PDE1C: variants seen among roughly 807,000 people sequenced by gnomAD.
PDE1C encodes the protein phosphodiesterase 1C.
In PDE1C, 62 loss-of-function variants were observed where a neutral mutation model predicts 93.1. The ratio of observed to expected loss-of-function variants is 0.67; its 90% CI spans 0.54 to 0.82. The LOEUF is 0.82. Ranked by LOEUF, PDE1C falls within the 40% of genes least tolerant of loss-of-function variation. The pLI, the probability that PDE1C is intolerant of heterozygous loss-of-function variation, is 0.00. For missense variants in PDE1C, 742 were observed against 884.6 expected, an observed-to-expected ratio of 0.84 and a Z score of 2.04; for synonymous variants, 325 against 310.1, an observed-to-expected ratio of 1.05 and a Z score of -0.50.
intron 1 of PDE1C, among the ~76,000 whole-genome samples, chr7:32,427,092 A>T (rs1203212800): frequency 2.0e-5 from 3 of 152,210 alleles, no homozygotes; most frequent in African/African-American, 7.2e-5. Flanking sequence ...TCAAACTAAA[A>T]TTTTTAAAGT....
chr7:32,399,330 G>C (rs987293396), intron 1 of PDE1C, among the ~76,000 whole-genome samples: 1 of 152,188 alleles, frequency 6.6e-6, no homozygotes, highest in Admixed American at 6.5e-5. Context: ...GTAGGATCCT[G>C]TATTATTTTG....
chr7:32,396,663 A>G (rs1365767347), intron 1 of PDE1C, among the ~76,000 whole-genome samples: 1 of 152,238 alleles, frequency 6.6e-6, no homozygotes, highest in East Asian at 1.9e-4. Flanking sequence ...TGTAGAATAC[A>G]GACAGATACA....
chr7:31,827,263 T>C (rs1562874578), intron 12 of PDE1C, among the ~76,000 whole-genome samples: 1 of 152,144 alleles, frequency 6.6e-6, no homozygotes, highest in Non-Finnish European at 1.5e-5. Context: ...CTGCCTGGAA[T>C]ACCCTTCTAC....
intron 2 of PDE1C, among the ~76,000 whole-genome samples, chr7:31,927,120 G>A (rs1193993488): frequency 1.3e-5 from 2 of 151,962 alleles, no homozygotes; most frequent in Admixed American, 6.6e-5. Flanking sequence ...ATTGAGCTTG[G>A]TGTGGGGAGG....
chr7:31,655,668 T>A, the PDE1C span: 3 of 909,016 alleles, frequency 3.3e-6, no homozygotes, highest in Non-Finnish European at 3.9e-6. Flanking sequence ...CACATCCCCA[T>A]CTTGGCTCCT....
chr7:32,071,302 G>T (rs1796035172), upstream of PDE1C: 1 of 985,508 alleles, frequency 1.0e-6, no homozygotes, highest in Non-Finnish European at 1.2e-6. Context: ...CTTCGCGGAG[G>T]TTGGGCCTGG....
At chr7:32,165,133 A>C (rs1239972975) in intron 3 of PDE1C, among the ~76,000 whole-genome samples, 1 of 152,214 alleles carries the variant, frequency 6.6e-6, no homozygotes, top group Non-Finnish European at 1.5e-5. Flanking sequence ...TTCAGGGCCC[A>C]CAGTGTCTGC....
At chr7:31,949,606 T>C (rs1807090574) in intron 2 of PDE1C, among the ~76,000 whole-genome samples, 1 of 152,204 alleles carries the variant, frequency 6.6e-6, no homozygotes, top group Non-Finnish European at 1.5e-5. Flanking sequence ...AGGAAATCAG[T>C]AATGGTAGAT....
the PDE1C span, among the ~76,000 whole-genome samples, chr7:31,672,476 C>A: frequency 2.6e-5 from 4 of 152,152 alleles, no homozygotes; most frequent in African/African-American, 9.7e-5. Flanking sequence ...TTATTTAAAT[C>A]TTTGCTAATC....
At chr7:31,885,884 C>T (rs956539730) in intron 2 of PDE1C, among the ~76,000 whole-genome samples, 36 of 152,128 alleles carry the variant, frequency 2.4e-4, no homozygotes, top group African/African-American at 8.5e-4. Context: ...ATTTGTTGAG[C>T]ATTAGACCCT....
chr7:32,409,950 T>A (rs898399559), intron 1 of PDE1C, among the ~76,000 whole-genome samples: 1 of 152,032 alleles, frequency 6.6e-6, no homozygotes, highest in Admixed American at 6.5e-5. Context: ...AGGCTCACTC[T>A]CACCACTACC....
At chr7:32,216,844 G>A (rs1806469138) in intron 1 of PDE1C, among the ~76,000 whole-genome samples, 1 of 152,174 alleles carries the variant, frequency 6.6e-6, no homozygotes, top group Admixed American at 6.5e-5. Context: ...CCAAGGAGGG[G>A]AGACCGGTAG....
chr7:32,058,371 G>A (rs30589), intron 1 of PDE1C, among the ~76,000 whole-genome samples: 132,473 of 152,244 alleles, frequency 0.87, 57,697 homozygotes, highest in Middle Eastern at 0.91. Context: ...CAAGGCTCGT[G>A]TAGTTAACTA....
At chr7:32,090,378 T>C (rs1797404151) in intron 3 of PDE1C, among the ~76,000 whole-genome samples, 1 of 152,124 alleles carries the variant, frequency 6.6e-6, no homozygotes, top group East Asian at 1.9e-4. Context: ...ATCTCAGGGG[T>C]GGTTTTATCT....
At chr7:31,993,650 C>T (rs7802786) in intron 2 of PDE1C, among the ~76,000 whole-genome samples, 97,941 of 152,060 alleles carry the variant, frequency 0.64, 32,618 homozygotes, top group African/African-American at 0.82. Flanking sequence ...TGCAGAAGCA[C>T]AGAAAACATT....
At position 31,775,648 on chromosome 7, in the gene PDE1C, A is replaced by C; in HGVS notation, c.1960+16T>G. 1 of 1,609,004 alleles carries C rather than the reference A, an allele frequency of 6.2e-7. No individual in the cohort carries two copies. The highest frequency in any genetic ancestry group is 8.5e-7 in the Non-Finnish European group (1 of 1,176,476). On this transcript the variant is annotated intron_variant, in intron 17 of 17. Transcript: ENST00000396191. Reference sequence around the variant, plus strand: ...TCTGTGGTCACTAAGATAATGGTGCAATGCTGTTTACCCACCTGGCAACGT... The same window carrying C: ...TCTGTGGTCACTAAGATAATGGTGCCATGCTGTTTACCCACCTGGCAACGT...
intron 2 of PDE1C, among the ~76,000 whole-genome samples, chr7:31,980,151 T>C (rs1812189524): frequency 6.6e-6 from 1 of 152,186 alleles, no homozygotes; most frequent in Non-Finnish European, 1.5e-5. Flanking sequence ...TTTCTAGCAA[T>C]TCAATCTAGC....
At chr7:31,872,903 T>C (rs922860536) in intron 6 of PDE1C, among the ~76,000 whole-genome samples, 1 of 152,162 alleles carries the variant, frequency 6.6e-6, no homozygotes, top group African/African-American at 2.4e-5. Context: ...AAAAAAAGTT[T>C]ACAGAGACAG....
chr7:32,192,168 C>A (rs1182795612), intron 2 of PDE1C, among the ~76,000 whole-genome samples: 1 of 152,070 alleles, frequency 6.6e-6, no homozygotes, highest in African/African-American at 2.4e-5. Context: ...TGTAGAATGT[C>A]TTTTTATCCT....
Sources: gnomAD v4.1 joint callset for allele counts (sites outside exome capture counted in the v4.1 genomes callset) on GRCh38, gnomAD v4.1.1 for gene constraint, MANE v1.5 for transcripts, NCBI Gene and HGNC (gene_info 2026-07-23, HGNC 2026-07-21) for gene names.